The following FOXN4 variants were observed in gnomAD, a reference collection of about 807,000 sequenced individuals.
The protein encoded by FOXN4 is forkhead box N4, also known as forkhead box protein N4.
In FOXN4, 12 loss-of-function variants were observed where a neutral mutation model predicts 45.0. The ratio of observed to expected loss-of-function variants is 0.27; its 90% CI spans 0.17 to 0.43. The LOEUF is 0.43. Ranked by LOEUF, FOXN4 falls within the 20% of genes least tolerant of loss-of-function variation. FOXN4 has a pLI of 1.00. For missense variants in FOXN4, 560 were observed against 694.9 expected (o/e 0.81, Z 2.18); for synonymous variants, 297 against 295.0 (o/e 1.01, Z -0.07).
intron 1 of FOXN4, among the ~76,000 whole-genome samples, chr12:109,308,710 A>G (rs1156939155): frequency 2.0e-5 from 3 of 152,118 alleles, no homozygotes; most frequent in Non-Finnish European, 4.4e-5. Context: ...CTTTCAAAAT[A>G]AGGGGCAGCT....
At chr12:109,298,882 T>C (rs2136940536) in intron 2 of FOXN4, among the ~76,000 whole-genome samples, 1 of 152,286 alleles carries the variant, frequency 6.6e-6, no homozygotes, top group South Asian at 2.1e-4. Context: ...GGCTGGTGAC[T>C]TATCTGCCCT....
At chr12:109,298,294 T>C (rs1292885796) in intron 2 of FOXN4, among the ~76,000 whole-genome samples, 1 of 151,372 alleles carries the variant, frequency 6.6e-6, no homozygotes, top group Non-Finnish European at 1.5e-5. Context: ...GGATGAAAGA[T>C]GAGCCCAAGC....
intron 9 of FOXN4, among the ~76,000 whole-genome samples, chr12:109,280,244 G>A (rs2047639905): frequency 6.6e-6 from 1 of 150,582 alleles, no homozygotes; most frequent in Non-Finnish European, 1.5e-5. Context: ...TTGGGAGGCT[G>A]AGGCACAAGA....
At chr12:109,285,266 TG>T in intron 8 of FOXN4, 37 bp downstream of exon 8, 1 of 1,553,980 alleles carries the variant, frequency 6.4e-7, no homozygotes, top group Admixed American at 1.9e-5. Context: ...TGTGTGTGTG[TG>T]TGTGTGTGCG....
In FOXN4 at chr12:109,290,491, C is replaced by T. The variant is rs2047757429; in HGVS notation, c.87-205G>A. On this transcript the variant is annotated intron_variant, in intron 2 of 9. Transcript: ENST00000299162. The surrounding 1 kb of genome is among the most constrained non-coding windows in gnomAD (Gnocchi z 5.1). ...GCCAGATCTTTCATCCTCATCATTC[C>T]TTCCTTAGCCCACTTAACGCATCCT... Among the ~76,000 whole-genome samples, 1 of 152,234 alleles carries T rather than the reference C, an allele frequency of 6.6e-6. No homozygotes were observed. The highest frequency in any genetic ancestry group is 2.1e-4 in the South Asian group (1 of 4,838).
At chr12:109,293,584 G>A (rs141026408) in intron 2 of FOXN4, among the ~76,000 whole-genome samples, 2,045 of 152,202 alleles carry the variant, frequency 0.013, 16 homozygotes, top group Middle Eastern at 0.034. Context: ...TGCAACCTCC[G>A]CCTCCTGAGT....
chr12:109,296,382 T>C (rs986115004), intron 2 of FOXN4, among the ~76,000 whole-genome samples: 1 of 152,244 alleles, frequency 6.6e-6, no homozygotes, highest in Middle Eastern at 3.2e-3. Context: ...CCCCCTTCTC[T>C]GTGTGCCTTC....
At chr12:109,299,804 T>C (rs1469659095) in intron 2 of FOXN4, among the ~76,000 whole-genome samples, 1 of 152,248 alleles carries the variant, frequency 6.6e-6, no homozygotes, top group African/African-American at 2.4e-5. Context: ...TGCTTATTAC[T>C]TCATGGGTGT....
intron 2 of FOXN4, among the ~76,000 whole-genome samples, chr12:109,294,314 G>A (rs762866942): frequency 1.3e-5 from 2 of 152,186 alleles, no homozygotes; most frequent in African/African-American, 2.4e-5. Flanking sequence ...CCTGAGCTGC[G>A]TGACCTTGGA....
chr12:109,296,197 A>G lies in FOXN4; in HGVS notation c.87-5911T>C, dbSNP rs574735500. Among the ~76,000 whole-genome samples the G allele has an allele frequency of 3.0e-4, 46 of 152,320 alleles. No individual in the cohort carries two copies. The South Asian group carries it at 8.9e-3, about 29-fold the overall frequency. On this transcript the variant is annotated intron_variant, in intron 2 of 9. Coordinates refer to ENST00000299162, the MANE Select transcript of FOXN4 (RefSeq NM_213596.3). The stretch of plus-strand genomic sequence containing the variant: ...AGGCTTTCTGGGGAAGAGGCCGGGT[A>G]CCTGCAATTAACGCATCCCCCAGCC...
At chr12:109,292,351 G>A (rs1182915922) in intron 2 of FOXN4, among the ~76,000 whole-genome samples, 1 of 152,148 alleles carries the variant, frequency 6.6e-6, no homozygotes, top group Non-Finnish European at 1.5e-5. Context: ...AGGTTCCTAA[G>A]TGCCACTGTG....
In FOXN4 at chr12:109,289,250, A is replaced by T. The variant is rs183347273; in HGVS notation, c.232+891T>A. 3.9e-5 allele frequency among the ~76,000 whole-genome samples: 6 copies of T among 152,192 alleles called. No individual in the cohort carries two copies. In the East Asian group the frequency reaches 1.2e-3, roughly 29 times the overall value. On this transcript the variant is annotated intron_variant, in intron 3 of 9. Coordinates refer to ENST00000299162, the MANE Select transcript of FOXN4 (RefSeq NM_213596.3). Reference sequence around the variant, plus strand: ...CAGGGGTTGGCAAACTGGCAGCCAAACTCTGTTTTTGTAAATAAAGTTTTA... The same window carrying T: ...CAGGGGTTGGCAAACTGGCAGCCAATCTCTGTTTTTGTAAATAAAGTTTTA...
rs59966711 is a variant in FOXN4 at position 109,291,336 on chromosome 12, G to A, written c.87-1050C>T. On this transcript the variant is annotated intron_variant, in intron 2 of 9. Coordinates refer to ENST00000299162, the MANE Select transcript of FOXN4 (RefSeq NM_213596.3). This position sits in a 1 kb window ranked among gnomAD's most constrained non-coding sequence, Gnocchi z 6.6. Reference sequence around the variant, plus strand: ...CAGACCAGCCCAGGAGCACACGCCCGACTCCACCACATCTGCCACCCCTGT... The same window carrying A: ...CAGACCAGCCCAGGAGCACACGCCCAACTCCACCACATCTGCCACCCCTGT... Among the ~76,000 whole-genome samples the A allele has an allele frequency of 2.7e-4, 41 of 151,798 alleles. No homozygotes were observed. In the East Asian group the frequency reaches 2.9e-3, roughly 11 times the overall value.
At position 109,285,603 on chromosome 12, in the gene FOXN4, C is replaced by T. The variant is rs374282473; in HGVS notation, c.694-92G>A. ...ACTCAGGCCTATAGGGGCAGGACAC[C>T]GCGGTGGCAGGAGTAATTTGACAGT... On this transcript the variant is annotated intron_variant, in intron 7 of 9. Transcript: ENST00000299162. 130 of 1,332,726 alleles carry T rather than the reference C, an allele frequency of 9.8e-5. 1 individual carries two copies. The highest frequency in any genetic ancestry group is 6.1e-4 in the East Asian group (26 of 42,280). The allele number at this position is 1,332,726 out of a possible 1,614,324, so 82.6% of individuals were successfully genotyped here. A position where few individuals can be genotyped will look rare whatever the true frequency, so the allele number is the denominator to read the frequency against.
chr12:109,307,389 GAGGTCAGGGCTCCCTGGCCTCA>G (rs1197078271), intron 2 of FOXN4, among the ~76,000 whole-genome samples: 2 of 152,188 alleles, frequency 1.3e-5, no homozygotes, highest in Admixed American at 1.3e-4. Flanking sequence ...CCCTGGAAAC[GAGGTCAGGGCTCCCTGGCCTCA>G]AGGGGAAAGA....
intron 2 of FOXN4, among the ~76,000 whole-genome samples, chr12:109,299,463 C>T (rs920921776): frequency 5.9e-5 from 9 of 152,160 alleles, no homozygotes; most frequent in African/African-American, 2.2e-4. Flanking sequence ...GCTTCATCAT[C>T]CCCTTTAACA....
rs1197077537 is a variant in FOXN4, at chr12:109,278,343, C to T, written c.*1328G>A. 1 of 152,202 alleles carries T rather than the reference C, an allele frequency of 6.6e-6. No individual in the cohort carries two copies. The highest frequency in any genetic ancestry group is 2.1e-4 in the South Asian group (1 of 4,826). 9.4% of individuals were successfully genotyped at this position (152,202 alleles called of 1,614,324 possible). On this transcript the variant is annotated 3_prime_UTR_variant, in exon 10 of 10. Transcript: ENST00000299162. ...ATCTGGTGGAAAGAGGGGGATGGTG[C>T]GTGAGGCTGCAGCTTCTCCAATTTT...
intron 2 of FOXN4, among the ~76,000 whole-genome samples, chr12:109,297,746 T>A (rs1190240291): frequency 1.3e-5 from 2 of 152,146 alleles, no homozygotes; most frequent in African/African-American, 4.8e-5. Flanking sequence ...ACAAAACCAA[T>A]CCCTGGTGCC....
Position 109,291,759 on chromosome 12 carries a change from G to A in FOXN4, c.87-1473C>T, listed in dbSNP as rs2047770447. Reference sequence around the variant, plus strand: ...ATTGGCTGCCTCATAGGGAAACAGGGCCTGGAAACGATTTGAAAACGCGGC... The same window carrying A: ...ATTGGCTGCCTCATAGGGAAACAGGACCTGGAAACGATTTGAAAACGCGGC... On this transcript the variant is annotated intron_variant, in intron 2 of 9. Coordinates refer to ENST00000299162, the MANE Select transcript of FOXN4 (RefSeq NM_213596.3). The surrounding 1 kb of genome is among the most constrained non-coding windows in gnomAD (Gnocchi z 6.6). Among the ~76,000 whole-genome samples the A allele has an allele frequency of 6.6e-6, 1 of 152,110 alleles. No homozygotes were observed. Among genetic ancestry groups the A allele is most frequent in the Non-Finnish European group, 1.5e-5 (1 of 68,018 alleles).
Sources: allele counts gnomAD v4.1 joint callset (sites outside exome capture counted in the v4.1 genomes callset), GRCh38; gene constraint gnomAD v4.1.1; non-coding constraint Gnocchi (gnomAD v3.1); transcripts MANE v1.5; gene names NCBI Gene and HGNC (gene_info 2026-07-23, HGNC 2026-07-21).